Variants in FGF12 observed in about 807,000 individuals in gnomAD.
The protein encoded by FGF12 is fibroblast growth factor 12B.
FGF12 carries 14 observed loss-of-function variants against 23.6 expected under a neutral mutation model. The ratio of observed to expected loss-of-function variants is 0.59; its 90% CI spans 0.39 to 0.93. FGF12 has a LOEUF of 0.93. Among genes scored for constraint, FGF12 ranks in the 40% least tolerant of loss-of-function variants. The pLI, the probability that FGF12 is intolerant of heterozygous loss-of-function variation, is 0.00. For synonymous variants in FGF12, 62 were observed against 77.3 expected, an observed-to-expected ratio of 0.80 and a Z score of 1.04; for missense variants, 175 against 217.8, an observed-to-expected ratio of 0.80 and a Z score of 1.24.
chr3:192,426,436 G>A (rs1721689370), intron 2 of FGF12, among the ~76,000 whole-genome samples: 1 of 152,170 alleles, frequency 6.6e-6, no homozygotes, highest in African/African-American at 2.4e-5. Flanking sequence ...CAGGTATAAA[G>A]TGAAAAATGA....
At chr3:192,624,478 G>A (rs1402747970) in intron 2 of FGF12, among the ~76,000 whole-genome samples, 1 of 152,030 alleles carries the variant, frequency 6.6e-6, no homozygotes, top group African/African-American at 2.4e-5. Context: ...GGAAGGAGAA[G>A]GGGGAAAGTG....
chr3:192,693,397 T>C (rs1020729226), intron 2 of FGF12, among the ~76,000 whole-genome samples: 10 of 152,270 alleles, frequency 6.6e-5, no homozygotes, highest in African/African-American at 2.4e-4. Context: ...TCACTTTTCA[T>C]GGAAATTGGA....
At chr3:192,622,660 T>A (rs1715015713) in intron 2 of FGF12, among the ~76,000 whole-genome samples, 1 of 152,224 alleles carries the variant, frequency 6.6e-6, no homozygotes, top group Non-Finnish European at 1.5e-5. Context: ...CTCATACCGT[T>A]TTGAACATTA....
chr3:192,299,593 T>A (rs928786854), intron 4 of FGF12, among the ~76,000 whole-genome samples: 1 of 152,214 alleles, frequency 6.6e-6, no homozygotes, highest in Non-Finnish European at 1.5e-5. Flanking sequence ...CAGAAACTCC[T>A]CAAATACACA....
chr3:192,579,192 T>G (rs1374428171), intron 2 of FGF12, among the ~76,000 whole-genome samples: 2 of 152,066 alleles, frequency 1.3e-5, no homozygotes, highest in Non-Finnish European at 2.9e-5. Context: ...AGGAAACATT[T>G]TCCTATTTGG....
intron 2 of FGF12, among the ~76,000 whole-genome samples, chr3:192,450,038 T>G (rs1722473159): frequency 6.6e-6 from 1 of 152,240 alleles, no homozygotes. Context: ...GTGAGGTTTC[T>G]GTCTCCTGAG....
At chr3:192,703,450 G>A (rs1443315335) in intron 2 of FGF12, among the ~76,000 whole-genome samples, 1 of 152,156 alleles carries the variant, frequency 6.6e-6, no homozygotes, top group Non-Finnish European at 1.5e-5. Flanking sequence ...GCTCATGGCT[G>A]CTGATTGATC....
rs532325550 is a variant in FGF12, at chr3:192,544,451, C to T, written c.13+182730G>A. On this transcript the variant is annotated intron_variant, in intron 2 of 5. Coordinates refer to ENST00000445105, the MANE Select transcript of FGF12 (RefSeq NM_004113.6). Reference sequence around the variant, plus strand: ...ACAATCAGTGAAGGCTTCTATTTGGCCATCTTGCGCTGCCTTCCTCTCTGA... The same window carrying T: ...ACAATCAGTGAAGGCTTCTATTTGGTCATCTTGCGCTGCCTTCCTCTCTGA... 6.2e-4 allele frequency among the ~76,000 whole-genome samples: 94 copies of T among 152,254 alleles called. No individual in the cohort carries two copies. In the Middle Eastern group the frequency reaches 0.01, roughly 17 times the overall value.
Position 192,724,004 on chromosome 3 carries a change from AAGAAAGGGAGGAAGGGAAAAGGGAGGG to A in FGF12, c.13+3150_13+3176del, listed in dbSNP as rs1261995863. Among the ~76,000 whole-genome samples, 857 of 123,134 alleles carry A rather than the reference AAGAAAGGGAGGAAGGGAAAAGGGAGGG, an allele frequency of 7.0e-3. 15 individuals are homozygous for A. The highest frequency in any genetic ancestry group is 0.026 in the African/African-American group (823 of 31,502). 80.8% of individuals were successfully genotyped at this position (123,134 alleles called of 152,430 possible). ...GAGAGGAAGGGAGGGAGGGGGAAGG[AAGAAAGGGAGGAAGGGAAAAGGGAGGG>A]AGAAAGGGAGGAAGGGAAAGGGAGG... On this transcript the variant is annotated intron_variant, in intron 2 of 5. Transcript: ENST00000445105.
At chr3:192,718,550 C>T (rs1375457837) in intron 2 of FGF12, among the ~76,000 whole-genome samples, 1 of 152,128 alleles carries the variant, frequency 6.6e-6, no homozygotes. Context: ...AAGAAAGCCA[C>T]GAGCTCAAAC....
At chr3:192,378,064 TTC>T (rs1395856091) in intron 2 of FGF12, among the ~76,000 whole-genome samples, 1 of 114,692 alleles carries the variant, frequency 8.7e-6, no homozygotes, top group Non-Finnish European at 1.6e-5. Flanking sequence ...CTTTCTTTCT[TTC>T]TTTCTTTCTT....
At chr3:192,687,879 T>G (rs1717812435) in intron 2 of FGF12, among the ~76,000 whole-genome samples, 1 of 152,056 alleles carries the variant, frequency 6.6e-6, no homozygotes, top group African/African-American at 2.4e-5. Flanking sequence ...TGCCACAACA[T>G]GTGCACATGC....
intron 2 of FGF12, among the ~76,000 whole-genome samples, chr3:192,664,964 C>T (rs990077741): frequency 3.3e-5 from 5 of 152,100 alleles, no homozygotes; most frequent in East Asian, 3.9e-4. Context: ...CACAGAAAAG[C>T]GCAAAGAAGA....
At chr3:192,182,271 T>G (rs1716222082) in intron 4 of FGF12, among the ~76,000 whole-genome samples, 1 of 152,096 alleles carries the variant, frequency 6.6e-6, no homozygotes, top group South Asian at 2.1e-4. Flanking sequence ...CTACATGTAT[T>G]ATTACTTCAA....
At chr3:192,541,968 C>A (rs566369077) in intron 2 of FGF12, among the ~76,000 whole-genome samples, 2 of 151,344 alleles carry the variant, frequency 1.3e-5, no homozygotes, top group African/African-American at 4.9e-5. Context: ...TTATCTTTGA[C>A]GTTGGGGGCC....
intron 5 of FGF12, among the ~76,000 whole-genome samples, chr3:192,164,919 A>G (rs888923743): frequency 2.0e-5 from 3 of 152,154 alleles, no homozygotes; most frequent in Non-Finnish European, 4.4e-5. Flanking sequence ...TACCTGCCCT[A>G]TGGAAAAATA....
intron 3 of FGF12, among the ~76,000 whole-genome samples, chr3:192,338,822 T>C (rs758863142): frequency 6.6e-6 from 1 of 152,176 alleles, no homozygotes; most frequent in African/African-American, 2.4e-5. Flanking sequence ...AGAATTAATA[T>C]GCAAGATATG....
At chr3:192,310,526 G>A (rs1715878986) in intron 4 of FGF12, among the ~76,000 whole-genome samples, 1 of 152,080 alleles carries the variant, frequency 6.6e-6, no homozygotes, top group African/African-American at 2.4e-5. Context: ...CACCAAAAAT[G>A]TACATTGCAG....
chr3:192,498,069 C>T (rs998862143), intron 2 of FGF12, among the ~76,000 whole-genome samples: 1 of 152,200 alleles, frequency 6.6e-6, no homozygotes, highest in African/African-American at 2.4e-5. Flanking sequence ...CACATTTTCC[C>T]TTTTACTTAA....
Sources: gnomAD v4.1 joint callset for allele counts (sites outside exome capture counted in the v4.1 genomes callset) on GRCh38, gnomAD v4.1.1 for gene constraint, MANE v1.5 for transcripts, NCBI Gene and HGNC (gene_info 2026-07-23, HGNC 2026-07-21) for gene names.